Variants in APP observed in about 807,000 individuals in gnomAD.
APP encodes the protein amyloid-beta precursor protein.
In APP, 31 loss-of-function variants were observed where a neutral mutation model predicts 101.4. The observed-to-expected ratio is 0.31, with a 90% CI of 0.23 to 0.41. The LOEUF (loss-of-function observed/expected upper bound fraction) is 0.41. Among genes scored for constraint, APP ranks in the 10% least tolerant of loss-of-function variants. The pLI is 1.00. For synonymous variants in APP, 366 were observed against 364.4 expected (o/e 1.00, Z -0.05); for missense variants, 839 against 1,003.7 (o/e 0.84, Z 2.22).
At chr21:25,943,067 A>C (rs970246512) in intron 13 of APP, 17 of 152,158 alleles carry the variant, frequency 1.1e-4, no homozygotes, top group South Asian at 4.1e-4. Flanking sequence ...ACTTTACAAA[A>C]TTTGCATGTC....
intron 13 of APP, among the ~76,000 whole-genome samples, chr21:25,917,179 T>A (rs1187134484): frequency 6.8e-6 from 1 of 147,544 alleles, no homozygotes; most frequent in Non-Finnish European, 1.5e-5. Flanking sequence ...GAGAATTGCT[T>A]AAACCTGGGA....
Position 26,140,414 on chromosome 21 carries a change from C to A in APP, c.58-28268G>T. 6 of 1,360,770 alleles carry A rather than the reference C, an allele frequency of 4.4e-6. No homozygotes were observed. The African/African-American group carries it at 7.3e-5, about 17-fold the overall frequency. The allele number at this position is 1,360,770 out of a possible 1,614,324, so 84.3% of individuals were successfully genotyped here. On this transcript the variant is annotated intron_variant, in intron 1 of 17. Coordinates refer to ENST00000346798, the MANE Select transcript of APP (RefSeq NM_000484.4). ...TTAGGCGTGGATCACACGCACACTG[C>A]GCCAACTTCTAAGCTAACAATGGAC...
intron 1 of APP, among the ~76,000 whole-genome samples, chr21:26,163,044 G>A (rs529089323): frequency 2.1e-4 from 30 of 142,776 alleles, no homozygotes; most frequent in African/African-American, 7.7e-4. Context: ...CCTGGCCAAT[G>A]TAGTGAAACC....
chr21:26,159,561 T>G (rs2063447808), intron 1 of APP, among the ~76,000 whole-genome samples: 1 of 152,204 alleles, frequency 6.6e-6, no homozygotes, highest in East Asian at 1.9e-4. Context: ...ATCACGGGCT[T>G]AGGCTTGGCT....
At chr21:25,884,346 G>A (rs1197585176) in intron 17 of APP, among the ~76,000 whole-genome samples, 1 of 152,126 alleles carries the variant, frequency 6.6e-6, no homozygotes, top group Non-Finnish European at 1.5e-5. Flanking sequence ...CCACCAACAA[G>A]CTCTGACCAA....
chr21:25,927,700 C>T (rs1007743432), intron 13 of APP, among the ~76,000 whole-genome samples: 1 of 152,040 alleles, frequency 6.6e-6, no homozygotes. Context: ...GGAAGGGACA[C>T]AAACAAAGCT....
At chr21:26,153,936 A>G (rs2063326364) in intron 1 of APP, among the ~76,000 whole-genome samples, 1 of 152,238 alleles carries the variant, frequency 6.6e-6, no homozygotes, top group Non-Finnish European at 1.5e-5. Context: ...TTCAATTCTA[A>G]AAGTTCATCC....
At chr21:26,017,725 CTCAA>C (rs2044162783) in intron 6 of APP, among the ~76,000 whole-genome samples, 2 of 152,162 alleles carry the variant, frequency 1.3e-5, no homozygotes, top group South Asian at 4.1e-4. Context: ...GAATTTATGG[CTCAA>C]TCAAAACTAC....
chr21:25,960,168 T>C (rs2041515659), intron 11 of APP, among the ~76,000 whole-genome samples: 1 of 148,034 alleles, frequency 6.8e-6, no homozygotes, highest in Non-Finnish European at 1.5e-5. Context: ...CGTGTAAGTG[T>C]GCATTCATCT....
chr21:26,086,124 A>T (rs1475896379), intron 3 of APP, among the ~76,000 whole-genome samples: 2 of 152,214 alleles, frequency 1.3e-5, no homozygotes, highest in Non-Finnish European at 2.9e-5. Flanking sequence ...ATTCAAATGG[A>T]AAGGGTTGAA....
intron 6 of APP, among the ~76,000 whole-genome samples, chr21:26,017,405 G>A (rs1398822118): frequency 3.6e-4 from 25 of 68,796 alleles, no homozygotes; most frequent in South Asian, 1.1e-3. Context: ...GCAAAATCCC[G>A]TGTCAAAAAA....
intron 8 of APP, among the ~76,000 whole-genome samples, chr21:25,990,322 T>C (rs999844254): frequency 1.3e-5 from 2 of 152,212 alleles, no homozygotes; most frequent in African/African-American, 4.8e-5. Context: ...ATATATGAAC[T>C]GAATGTGAAG....
intron 3 of APP, among the ~76,000 whole-genome samples, chr21:26,073,709 G>C (rs2061450784): frequency 1.3e-5 from 2 of 152,106 alleles, no homozygotes; most frequent in Non-Finnish European, 2.9e-5. Flanking sequence ...GTAGGCCAAG[G>C]GTCTTTATGA....
intron 13 of APP, among the ~76,000 whole-genome samples, chr21:25,916,979 G>T (rs1441257867): frequency 6.6e-6 from 1 of 152,054 alleles, no homozygotes; most frequent in African/African-American, 2.4e-5. Flanking sequence ...AATGCTTCGA[G>T]GTGGCCAGGC....
chr21:25,909,035 G>A (rs1422161828), intron 14 of APP, among the ~76,000 whole-genome samples: 3 of 152,058 alleles, frequency 2.0e-5, no homozygotes, highest in South Asian at 2.1e-4. Context: ...AGGCTGAGGC[G>A]GGCGGATCAC....
intron 11 of APP, among the ~76,000 whole-genome samples, chr21:25,957,943 G>T (rs1031637274): frequency 6.6e-6 from 1 of 151,334 alleles, no homozygotes; most frequent in African/African-American, 2.5e-5. Flanking sequence ...CTGATTGCAC[G>T]ACTGTACTCA....
chr21:26,168,318 G>A (rs766566975), intron 1 of APP, among the ~76,000 whole-genome samples: 4 of 152,048 alleles, frequency 2.6e-5, no homozygotes, highest in Non-Finnish European at 5.9e-5. Context: ...CAGTCAACTC[G>A]TAATTACATC....
intron 2 of APP, among the ~76,000 whole-genome samples, chr21:26,105,210 C>T (rs1208624116): frequency 1.3e-5 from 2 of 151,266 alleles, no homozygotes; most frequent in Non-Finnish European, 2.9e-5. Context: ...ATAAGAAAAA[C>T]ATTGTTCAAC....
chr21:25,935,499 C>A (rs1213378882), intron 13 of APP, among the ~76,000 whole-genome samples: 2 of 152,020 alleles, frequency 1.3e-5, no homozygotes, highest in African/African-American at 2.4e-5. Flanking sequence ...GTTATACTAT[C>A]CAGCAGTATC....
Sources: allele counts gnomAD v4.1 joint callset (sites outside exome capture counted in the v4.1 genomes callset), GRCh38; gene constraint gnomAD v4.1.1; transcripts MANE v1.5; gene names NCBI Gene and HGNC (gene_info 2026-07-23, HGNC 2026-07-21).